GDPD1: variants seen among roughly 807,000 people sequenced by gnomAD.
GDPD1 encodes lysophospholipase D GDPD1.
A neutral mutation model predicts 45.1 loss-of-function variants in GDPD1; 28 were observed. The observed-to-expected ratio is 0.62, with a 90% CI of 0.46 to 0.85. The LOEUF (loss-of-function observed/expected upper bound fraction) is 0.85, where lower values mean the gene tolerates loss of function less well. Among genes scored for constraint, GDPD1 ranks in the 40% least tolerant of loss-of-function variants. The probability of loss-of-function intolerance (pLI) is 0.00; values close to 1 mark genes in which losing one functional copy is unlikely to be tolerated. For synonymous variants in GDPD1, 139 were observed against 131.4 expected (o/e 1.06, Z -0.40); for missense variants, 256 against 364.8 (o/e 0.70, Z 2.43).
In GDPD1 at chr17:59,270,954, C is replaced by T. The variant is rs138594596; in HGVS notation, c.729C>T (p.Thr243=). ...ACCCTAGGCTAAAAGAACCACACAC[C>T]ATGTCCAGAAGTCAAAAGTTTCTCA... ...SIILKLKEPH[T]MSRSQKFLIW... The change falls in exon 8 of 10, where the codon ACC becomes ACT. Residue 243 remains threonine (T), a synonymous_variant. Coordinates refer to ENST00000284116, the MANE Select transcript of GDPD1 (RefSeq NM_182569.4). The T allele has an allele frequency of 7.2e-5, 116 of 1,603,438 alleles. No individual in the cohort carries two copies. Among genetic ancestry groups the T allele is most frequent in the Non-Finnish European group, 9.6e-5 (113 of 1,173,716 alleles).
At chr17:59,259,566 C>CAAAAAAAAAA (rs71367681) in intron 6 of GDPD1, among the ~76,000 whole-genome samples, 78 of 24,832 alleles carry the variant, frequency 3.1e-3, no homozygotes, top group African/African-American at 4.7e-3. Flanking sequence ...GACTCTGTCT[C>CAAAAAAAAAA]AAAAAAAAAA....
chr17:59,268,364 C>T (rs1044875221), intron 7 of GDPD1, among the ~76,000 whole-genome samples: 2 of 151,576 alleles, frequency 1.3e-5, no homozygotes, highest in African/African-American at 2.4e-5. Flanking sequence ...ATCACGAGGT[C>T]AGGAGATCGA....
intron 1 of GDPD1, among the ~76,000 whole-genome samples, chr17:59,226,765 C>G (rs2047050147): frequency 6.6e-6 from 1 of 151,830 alleles, no homozygotes; most frequent in South Asian, 2.1e-4. Flanking sequence ...AACTTCCGCC[C>G]CCTGGGTTCA....
chr17:59,231,487 C>T (rs1461033666), intron 1 of GDPD1, among the ~76,000 whole-genome samples: 1 of 151,746 alleles, frequency 6.6e-6, no homozygotes, highest in African/African-American at 2.4e-5. Flanking sequence ...CCACCATGCC[C>T]AGCTAATTTT....
intron 7 of GDPD1, among the ~76,000 whole-genome samples, chr17:59,268,359 G>A (rs1056189680): frequency 6.6e-6 from 1 of 151,614 alleles, no homozygotes; most frequent in Admixed American, 6.6e-5. Context: ...GGTGGATCAC[G>A]AGGTCAGGAG....
intron 6 of GDPD1, among the ~76,000 whole-genome samples, chr17:59,261,138 G>A (rs981609397): frequency 2.6e-5 from 4 of 152,074 alleles, no homozygotes; most frequent in African/African-American, 9.7e-5. Context: ...GCTAATTTTT[G>A]TATCTTTAGT....
chr17:59,257,920 AT>A (rs947170282), intron 6 of GDPD1, 80 bp downstream of exon 6: 31 of 990,912 alleles, frequency 3.1e-5, no homozygotes, highest in Admixed American at 5.6e-5. Context: ...TATAGTAATA[AT>A]TTTTTTTCTT....
intron 3 of GDPD1, 27 bp from the exon 4 acceptor site, chr17:59,248,713 T>C: frequency 6.5e-7 from 1 of 1,526,784 alleles, no homozygotes; most frequent in Non-Finnish European, 8.9e-7. Flanking sequence ...GAGAGTTAAC[T>C]TTTTTTTCAA....
At chr17:59,235,265 A>G (rs2047123050) in intron 2 of GDPD1, among the ~76,000 whole-genome samples, 1 of 152,126 alleles carries the variant, frequency 6.6e-6, no homozygotes, top group South Asian at 2.1e-4. Context: ...TTTCTTATAT[A>G]ATTTTTGAGC....
chr17:59,257,126 C>T lies in GDPD1; in HGVS notation c.372C>T (p.Cys124=). ...TTAAAAATCTTGCTTTCTCAGCATGCCAGTGTGAAGGAAAAGATAACCGAA... is the reference window on the plus strand; with the variant it reads ...TTAAAAATCTTGCTTTCTCAGCATGTCAGTGTGAAGGAAAAGATAACCGAA... The part of the protein sequence containing the change: ...GKLDVSFQRA[C]QCEGKDNRIP... The change falls in exon 5 of 10, where the codon TGC becomes TGT. Residue 124 remains cysteine (C), a synonymous_variant. Coordinates refer to ENST00000284116, the MANE Select transcript of GDPD1 (RefSeq NM_182569.4). 3.9e-6 allele frequency: 6 copies of T among 1,551,750 alleles called. No individual in the cohort carries two copies. The South Asian group carries it at 4.7e-5, about 12-fold the overall frequency.
In GDPD1 at chr17:59,275,035, T is replaced by C; in HGVS notation, c.*1262T>C. On this transcript the variant is annotated 3_prime_UTR_variant, in exon 10 of 10. Coordinates refer to ENST00000284116, the MANE Select transcript of GDPD1 (RefSeq NM_182569.4). ...TTTTGTATTTTTAGTAGAGACAGGG[T>C]TTTGCCACGTTGGCCAGACTGGTCT... The C allele has an allele frequency of 1.4e-6, 1 of 727,220 alleles. No homozygotes were observed. Among genetic ancestry groups the C allele is most frequent in the East Asian group, 2.9e-5 (1 of 35,076 alleles). 45.0% of individuals were successfully genotyped at this position (727,220 alleles called of 1,614,324 possible). A position where few individuals can be genotyped will look rare whatever the true frequency, so the allele number is the denominator to read the frequency against.
chr17:59,265,020 T>C (rs1186564177), intron 6 of GDPD1, among the ~76,000 whole-genome samples: 2 of 151,714 alleles, frequency 1.3e-5, no homozygotes, highest in East Asian at 2.0e-4. Context: ...TTTGTATTTT[T>C]AGTAGAGGCA....
intron 3 of GDPD1, among the ~76,000 whole-genome samples, 169 bp from the exon 4 acceptor site, chr17:59,248,571 G>C (rs1293233192): frequency 6.6e-6 from 1 of 152,176 alleles, no homozygotes; most frequent in Middle Eastern, 3.4e-3. Flanking sequence ...GATGGCATAA[G>C]TAAGTAATAT....
intron 2 of GDPD1, among the ~76,000 whole-genome samples, chr17:59,244,309 G>C (rs973332356): frequency 6.6e-6 from 1 of 152,164 alleles, no homozygotes; most frequent in South Asian, 2.1e-4. Flanking sequence ...TACTGGAGTT[G>C]TACTCATGCT....
At chr17:59,243,512 CAA>C (rs780707265) in intron 2 of GDPD1, among the ~76,000 whole-genome samples, 41 of 115,108 alleles carry the variant, frequency 3.6e-4, no homozygotes, top group Admixed American at 4.4e-4. Context: ...ACCCCCCAAC[CAA>C]AAAAAAAAAA....
intron 6 of GDPD1, among the ~76,000 whole-genome samples, chr17:59,264,909 T>C (rs6503911): frequency 0.44 from 67,516 of 151,768 alleles, 17,059 homozygotes; most frequent in African/African-American, 0.7. Context: ...GGCTCAATCT[T>C]GGCTCACTGC....
chr17:59,275,106 T>G lies in GDPD1; in HGVS notation c.*1333T>G. ...ATCCACCCACCTCGGCCTCTCAAAG[T>G]GCTGGGATTACAGGTTTGAACCACT... On this transcript the variant is annotated 3_prime_UTR_variant, in exon 10 of 10. Transcript: ENST00000284116. The G allele has an allele frequency of 6.7e-7, 1 of 1,491,494 alleles. No individual in the cohort carries two copies. The highest frequency in any genetic ancestry group is 9.0e-7 in the Non-Finnish European group (1 of 1,106,120). The allele number at this position is 1,491,494 out of a possible 1,614,324, so 92.4% of individuals were successfully genotyped here.
intron 9 of GDPD1, 41 bp downstream of exon 9, chr17:59,272,877 C>T: frequency 6.2e-7 from 1 of 1,613,356 alleles, no homozygotes. Context: ...CAGCATAGCT[C>T]ACCAGTTTAA....
At chr17:59,260,539 TA>T (rs891030201) in intron 6 of GDPD1, among the ~76,000 whole-genome samples, 21 of 146,774 alleles carry the variant, frequency 1.4e-4, no homozygotes, top group South Asian at 6.5e-4. Flanking sequence ...GAGACTCTTC[TA>T]AAAAAAAAAG....
Sources: gnomAD v4.1 joint callset for allele counts (sites outside exome capture counted in the v4.1 genomes callset) on GRCh38, gnomAD v4.1.1 for gene constraint, MANE v1.5 for transcripts, NCBI Gene and HGNC (gene_info 2026-07-23, HGNC 2026-07-21) for gene names.